The following PTMA variants were observed in gnomAD, a reference collection of about 807,000 sequenced individuals.
PTMA encodes the protein gene sequence 28.
In PTMA, 4 loss-of-function variants were observed where a neutral mutation model predicts 16.9. The observed-to-expected ratio is 0.24, with a 90% CI of 0.12 to 0.54. The LOEUF is 0.54. Ranked by LOEUF, PTMA falls within the 20% of genes least tolerant of loss-of-function variation. The pLI is 0.95. For missense variants in PTMA, 120 were observed against 137.7 expected (o/e 0.87, Z 0.64); for synonymous variants, 58 against 47.9 (o/e 1.21, Z -0.87).
At chr2:231,711,186 C>T (rs72994894) in intron 1 of PTMA, 162 bp from the exon 2 acceptor site, 14,376 of 602,948 alleles carry the variant, frequency 0.024, 259 homozygotes, top group Non-Finnish European at 0.032. Context: ...TCCACCAGAC[C>T]AGTGGGAGAG....
intron 1 of PTMA, chr2:231,710,666 C>T (rs762134922): frequency 9.2e-6 from 4 of 436,494 alleles, no homozygotes; most frequent in African/African-American, 6.5e-5. Flanking sequence ...GGGCGGAGTC[C>T]CACCCCCGAG....
chr2:231,711,796 C>T (rs1387681585), intron 2 of PTMA, 94 bp from the exon 3 acceptor site: 3 of 1,556,838 alleles, frequency 1.9e-6, no homozygotes, highest in Non-Finnish European at 1.7e-6. Context: ...TAGATGCAGC[C>T]GCCAGCCTCT....
chr2:231,711,852 C>T, intron 2 of PTMA, 38 bp from the exon 3 acceptor site: 2 of 1,609,842 alleles, frequency 1.2e-6, no homozygotes, highest in Non-Finnish European at 1.7e-6. Flanking sequence ...CAGCCTGGGG[C>T]CAGCTGGTAA....
At chr2:231,710,668 AC>A in intron 1 of PTMA, 1 of 434,148 alleles carries the variant, frequency 2.3e-6, no homozygotes, top group Non-Finnish European at 4.7e-6. Flanking sequence ...GCGGAGTCCC[AC>A]CCCCGAGGTG....
In PTMA at chr2:231,711,948, G is replaced by A. The variant is rs1191200472; in HGVS notation, c.176G>A (p.Gly59Asp). The A allele has an allele frequency of 6.3e-7, 1 of 1,595,962 alleles. No homozygotes were observed. The highest frequency in any genetic ancestry group is 8.5e-7 in the Non-Finnish European group (1 of 1,170,714). The change falls in exon 3 of 5, where the codon GGT becomes GAT. Residue 59 changes from glycine to aspartate, a missense_variant. By Grantham distance (94) the Gly-to-Asp change is moderately conservative. Transcript: ENST00000409115. ...DNEVDEEEEE[G>D]GEEEEEEEEG... ...GAGGTAGACGAAGAAGAGGAAGAAG[G>A]TGGGGAGGAAGAGGAGGAGGAAGAA...
At chr2:231,710,763 C>T (rs2048508035) in intron 1 of PTMA, 1 of 327,292 alleles carries the variant, frequency 3.1e-6, no homozygotes, top group Non-Finnish European at 6.2e-6. Context: ...CGCCAAGCAG[C>T]GGTTTGCGGC....
intron 4 of PTMA, 96 bp downstream of exon 4, chr2:231,712,612 C>T (rs1276639080): frequency 4.9e-6 from 7 of 1,422,768 alleles, no homozygotes; most frequent in Non-Finnish European, 6.9e-6. Context: ...CTGTTTCTGA[C>T]TTTGTAGGTG....
rs530832286 is a variant in PTMA, at chr2:231,709,245, C to T, written c.45+494C>T. 9.0e-3 allele frequency among the ~76,000 whole-genome samples: 1,364 copies of T among 152,294 alleles called. 4 individuals are homozygous for T. Among genetic ancestry groups the T allele is most frequent in the Non-Finnish European group, 0.015 (994 of 68,000 alleles). ...TCGGCGCCAGGCCGGCGGTTTCGCG[C>T]CCTGCAGCGGACCTGAGGTGGTTTG... On this transcript the variant is annotated intron_variant, in intron 1 of 4. Coordinates refer to ENST00000409115, the MANE Select transcript of PTMA (RefSeq NM_002823.5).
intron 2 of PTMA, 48 bp downstream of exon 2, chr2:231,711,467 A>T (rs959887066): frequency 1.3e-5 from 20 of 1,572,936 alleles, no homozygotes; most frequent in Non-Finnish European, 1.7e-5. Flanking sequence ...CGCCCCACAA[A>T]ATTTTTCCTG....
chr2:231,712,296 T>C (rs1252549681), intron 3 of PTMA, 147 bp from the exon 4 acceptor site: 3 of 883,856 alleles, frequency 3.4e-6, no homozygotes, highest in Non-Finnish European at 5.4e-6. Context: ...CCCACCTGTG[T>C]AGTGGGCGTG....
chr2:231,710,419 C>T, intron 1 of PTMA: 1 of 1,153,726 alleles, frequency 8.7e-7, no homozygotes, highest in Non-Finnish European at 1.1e-6. Context: ...GACCTCCCTG[C>T]CCCCACTGCT....
intron 1 of PTMA, chr2:231,709,919 C>A: frequency 1.3e-5 from 6 of 473,710 alleles, no homozygotes; most frequent in Non-Finnish European, 1.9e-5. Context: ...GGGGCGACTT[C>A]TTGGCAGAGC....
At chr2:231,712,304 G>A (rs1575353585) in intron 3 of PTMA, 139 bp from the exon 4 acceptor site, 9 of 941,758 alleles carry the variant, frequency 9.6e-6, no homozygotes, top group Middle Eastern at 3.3e-4. Context: ...TGTAGTGGGC[G>A]TGGGTGCCCT....
intron 3 of PTMA, 111 bp downstream of exon 3, chr2:231,712,094 G>C (rs2048525120): frequency 1.3e-6 from 2 of 1,523,006 alleles, no homozygotes; most frequent in Non-Finnish European, 1.8e-6. Context: ...GGTACTTGGG[G>C]CCAGTGGACC....
intron 4 of PTMA, 55 bp from the exon 5 acceptor site, chr2:231,712,749 G>A (rs999579085): frequency 1.3e-6 from 2 of 1,554,404 alleles, no homozygotes; most frequent in Non-Finnish European, 1.7e-6. Context: ...TGAGGCAGTG[G>A]GCTGGATAGG....
At chr2:231,710,548 G>T (rs1292976710) in intron 1 of PTMA, 4 of 655,904 alleles carry the variant, frequency 6.1e-6, no homozygotes, top group Non-Finnish European at 7.5e-6. Flanking sequence ...CCGGACAGCG[G>T]CCGAGGGGTT....
chr2:231,710,349 G>C (rs1279100785), intron 1 of PTMA: 4 of 1,213,902 alleles, frequency 3.3e-6, no homozygotes, highest in South Asian at 4.1e-5. Flanking sequence ...CCTGCGCGCG[G>C]TGCGTGCCGA....
chr2:231,710,489 G>GC, intron 1 of PTMA: 18 of 1,057,410 alleles, frequency 1.7e-5, no homozygotes, highest in Non-Finnish European at 2.2e-5. Context: ...GCGGAGCGGA[G>GC]CGGGGCGGGC....
intron 1 of PTMA, chr2:231,711,125 G>T: frequency 2.3e-6 from 1 of 439,746 alleles, no homozygotes; most frequent in South Asian, 2.9e-5. Context: ...GCTGTAGCGG[G>T]CCTTAAAGGA....
Sources: gnomAD v4.1 joint callset for allele counts (sites outside exome capture counted in the v4.1 genomes callset) on GRCh38, gnomAD v4.1.1 for gene constraint, MANE v1.5 for transcripts, NCBI Gene and HGNC (gene_info 2026-07-23, HGNC 2026-07-21) for gene names.